PCDHA5: variants seen among roughly 807,000 people sequenced by gnomAD.
PCDHA5 encodes protocadherin alpha-5.
In PCDHA5, 43 loss-of-function variants were observed where a neutral mutation model predicts 61.6. That is an observed-to-expected ratio of 0.70 (90% CI 0.55 to 0.90). The LOEUF (loss-of-function observed/expected upper bound fraction) is 0.90, where lower values mean the gene tolerates loss of function less well. PCDHA5 is among the 40% of genes least tolerant of loss of function. The probability of loss-of-function intolerance (pLI) is 0.00; values close to 1 mark genes in which losing one functional copy is unlikely to be tolerated. For synonymous variants in PCDHA5, 627 were observed against 543.9 expected, an observed-to-expected ratio of 1.15 and a Z score of -2.13; for missense variants, 1,298 against 1,222.7, an observed-to-expected ratio of 1.06 and a Z score of -0.92.
chr5:140,828,587 TCCATCTTAA>T, intron 1 of PCDHA5: 1 of 1,614,236 alleles, frequency 6.2e-7, no homozygotes, highest in African/African-American at 1.3e-5. Flanking sequence ...TGGCTCAAAT[TCCATCTTAA>T]CCTATAAACT....
At chr5:140,923,134 G>C (rs962370475) in intron 1 of PCDHA5, among the ~76,000 whole-genome samples, 2 of 152,106 alleles carry the variant, frequency 1.3e-5, no homozygotes, top group Non-Finnish European at 1.5e-5. Flanking sequence ...CACTTTGAAG[G>C]TGGAATATAA....
At chr5:140,977,096 G>A (rs1401413424) in intron 1 of PCDHA5, among the ~76,000 whole-genome samples, 1 of 152,182 alleles carries the variant, frequency 6.6e-6, no homozygotes, top group East Asian at 1.9e-4. Flanking sequence ...TGTGTCATTG[G>A]GGAAGTGAGA....
chr5:140,859,450 G>T, intron 1 of PCDHA5: 1 of 220,914 alleles, frequency 4.5e-6, no homozygotes, highest in Non-Finnish European at 8.7e-6. Context: ...TAGTTGCAGA[G>T]TGACAAAACT....
intron 1 of PCDHA5, chr5:140,883,965 T>C: frequency 6.2e-7 from 1 of 1,613,128 alleles, no homozygotes; most frequent in Non-Finnish European, 8.5e-7. Flanking sequence ...CCGGCGCTGC[T>C]GACGCCCGGG....
chr5:140,975,514 C>T (rs549258421), intron 1 of PCDHA5, among the ~76,000 whole-genome samples: 2 of 152,304 alleles, frequency 1.3e-5, no homozygotes, highest in African/African-American at 4.8e-5. Flanking sequence ...TATGCAAAAT[C>T]TGCAGTGGAT....
chr5:140,830,060 C>T, intron 1 of PCDHA5: 1 of 1,613,712 alleles, frequency 6.2e-7, no homozygotes, highest in South Asian at 1.1e-5. Context: ...CCACGGTGAG[C>T]CGGCGCTGAC....
Position 141,010,344 on chromosome 5 carries a change from G to A in PCDHA5, c.*407G>A, listed in dbSNP as rs1011321402. On this transcript the variant is annotated 3_prime_UTR_variant, in exon 4 of 4. Coordinates refer to ENST00000529859, the MANE Select transcript of PCDHA5 (RefSeq NM_018908.3). Reference sequence around the variant, plus strand: ...CAGCTTGGGAGTTTGTGGCCACTGGGTATGTGTGGCTACCGCGGGTATGCG... The same window carrying A: ...CAGCTTGGGAGTTTGTGGCCACTGGATATGTGTGGCTACCGCGGGTATGCG... 3 of 1,518,888 alleles carry A rather than the reference G, an allele frequency of 2.0e-6. No homozygotes were observed. The Admixed American group carries it at 6.4e-5, about 33-fold the overall frequency. 94.1% of individuals were successfully genotyped at this position (1,518,888 alleles called of 1,614,324 possible).
Position 140,884,687 on chromosome 5 carries a change from T to C in PCDHA5, c.2352+60560T>C, listed in dbSNP as rs782253030. The C allele has an allele frequency of 4.6e-6, 7 of 1,538,230 alleles. No homozygotes were observed. In the South Asian group the frequency reaches 8.8e-5, roughly 19 times the overall value. On this transcript the variant is annotated intron_variant, in intron 1 of 3. Coordinates refer to ENST00000529859, the MANE Select transcript of PCDHA5 (RefSeq NM_018908.3). ...GGTAAGCTTATATTTTAAAAAATTGTCTTAGTAAACACTTTAGCCTTCCTT... is the reference window on the plus strand; with the variant it reads ...GGTAAGCTTATATTTTAAAAAATTGCCTTAGTAAACACTTTAGCCTTCCTT...
intron 1 of PCDHA5, chr5:140,855,998 G>T: frequency 6.6e-7 from 1 of 1,511,404 alleles, no homozygotes; most frequent in Non-Finnish European, 8.9e-7. Flanking sequence ...CAGATCGTAT[G>T]TGCGTTCTAG....
intron 1 of PCDHA5, among the ~76,000 whole-genome samples, chr5:140,975,613 A>G (rs1482474647): frequency 1.3e-5 from 2 of 152,226 alleles, no homozygotes; most frequent in Non-Finnish European, 2.9e-5. Context: ...TGTCTTCCAC[A>G]TGGATTTCCA....
chr5:140,994,732 G>T (rs1159331502), intron 3 of PCDHA5, among the ~76,000 whole-genome samples: 3 of 152,114 alleles, frequency 2.0e-5, no homozygotes, highest in Non-Finnish European at 4.4e-5. Flanking sequence ...ACTGGGTATT[G>T]CAGGATGGCA....
chr5:140,991,374 G>A (rs537981449), intron 3 of PCDHA5, among the ~76,000 whole-genome samples: 2 of 152,286 alleles, frequency 1.3e-5, no homozygotes, highest in South Asian at 4.1e-4. Context: ...TGAGTTCTAG[G>A]CCAACTGTAG....
At chr5:140,969,457 T>C (rs1554231852) in intron 1 of PCDHA5, 1 of 1,505,602 alleles carries the variant, frequency 6.6e-7, no homozygotes, top group Admixed American at 2.2e-5. Context: ...TGAGTATATA[T>C]AGTATCCACA....
At chr5:140,853,463 A>G in intron 1 of PCDHA5, 1 of 972,934 alleles carries the variant, frequency 1.0e-6, no homozygotes, top group Non-Finnish European at 1.2e-6. Context: ...CCTTATATGC[A>G]TCTGTAGTTA....
intron 1 of PCDHA5, among the ~76,000 whole-genome samples, chr5:140,932,493 T>A (rs148938081): frequency 6.6e-6 from 1 of 152,006 alleles, no homozygotes; most frequent in East Asian, 1.9e-4. Context: ...CTTTGCAATG[T>A]CATTTGTTAA....
At chr5:140,858,548 T>A in intron 1 of PCDHA5, 1 of 1,394,090 alleles carries the variant, frequency 7.2e-7, no homozygotes, top group African/African-American at 1.4e-5. Flanking sequence ...ATTCCATTTA[T>A]GCTTGAATAT....
intron 3 of PCDHA5, among the ~76,000 whole-genome samples, chr5:141,008,010 T>C (rs2098356270): frequency 6.6e-6 from 1 of 152,214 alleles, no homozygotes; most frequent in African/African-American, 2.4e-5. Context: ...TAAACTTCTG[T>C]TTCCTTTTTT....
At chr5:140,958,133 G>T (rs1472500802) in intron 1 of PCDHA5, among the ~76,000 whole-genome samples, 2 of 152,046 alleles carry the variant, frequency 1.3e-5, no homozygotes, top group East Asian at 3.8e-4. Flanking sequence ...ATGTATCAGT[G>T]TGTATATTTA....
At chr5:140,920,616 C>A (rs929240808) in intron 1 of PCDHA5, among the ~76,000 whole-genome samples, 1 of 152,012 alleles carries the variant, frequency 6.6e-6, no homozygotes, top group African/African-American at 2.4e-5. Flanking sequence ...GAGGCCGAGG[C>A]GGATGGATCA....
Sources: allele counts gnomAD v4.1 joint callset (sites outside exome capture counted in the v4.1 genomes callset), GRCh38; gene constraint gnomAD v4.1.1; transcripts MANE v1.5; gene names NCBI Gene and HGNC (gene_info 2026-07-23, HGNC 2026-07-21).